The following PKD2L1 variants were observed in gnomAD, a reference collection of about 807,000 sequenced individuals.
PKD2L1 encodes the protein polycystin 2 like 1, transient receptor potential cation channel.
Under a neutral mutation model 93.0 loss-of-function variants are expected in PKD2L1, and 77 were observed. The observed-to-expected ratio is 0.83, with a 90% confidence interval of 0.69 to 1.00. The LOEUF is 1.00. PKD2L1 is among the 50% of genes least tolerant of loss of function. The probability of loss-of-function intolerance (pLI) is 0.00; values close to 1 mark genes in which losing one functional copy is unlikely to be tolerated. For missense variants in PKD2L1, 977 were observed against 990.9 expected, an observed-to-expected ratio of 0.99 and a Z score of 0.19; for synonymous variants, 390 against 388.0, an observed-to-expected ratio of 1.01 and a Z score of -0.06.
intron 2 of PKD2L1, among the ~76,000 whole-genome samples, chr10:100,310,873 C>A (rs1848917971): frequency 6.6e-6 from 1 of 152,164 alleles, no homozygotes; most frequent in South Asian, 2.1e-4. Context: ...TTCCTCCCAA[C>A]TAATTTTTTA....
intron 2 of PKD2L1, among the ~76,000 whole-genome samples, chr10:100,313,690 T>C (rs1371323791): frequency 6.6e-6 from 1 of 152,204 alleles, no homozygotes; most frequent in Non-Finnish European, 1.5e-5. Context: ...CAAACAGTTT[T>C]CATTTATTTG....
At chr10:100,310,742 C>CTCTG (rs1848915062) in intron 2 of PKD2L1, among the ~76,000 whole-genome samples, 1 of 152,178 alleles carries the variant, frequency 6.6e-6, no homozygotes, top group African/African-American at 2.4e-5. Flanking sequence ...GACAGTCTCA[C>CTCTG]TCTGTCGCCC....
chr10:100,294,287 A>C (rs1381455548), intron 9 of PKD2L1, among the ~76,000 whole-genome samples: 1 of 152,020 alleles, frequency 6.6e-6, no homozygotes, highest in Non-Finnish European at 1.5e-5. Flanking sequence ...CCCCATTTCC[A>C]TCCTTGGAGA....
chr10:100,289,071 A>G lies in PKD2L1; in HGVS notation c.2251-15T>C. 1 of 1,587,276 alleles carries G rather than the reference A, an allele frequency of 6.3e-7. No individual in the cohort carries two copies. Among genetic ancestry groups the G allele is most frequent in the Non-Finnish European group, 8.6e-7 (1 of 1,159,032 alleles). ...GCTTGTTCCTTCTGTTGGAAGAAGAAAGGGACAAATCATTTGAAGAAATAG... is the reference window on the plus strand; with the variant it reads ...GCTTGTTCCTTCTGTTGGAAGAAGAGAGGGACAAATCATTTGAAGAAATAG... On this transcript the variant is annotated splice_polypyrimidine_tract_variant and intron_variant, in intron 14 of 15. Transcript: ENST00000318222.
intron 2 of PKD2L1, among the ~76,000 whole-genome samples, chr10:100,307,367 A>G (rs1848827729): frequency 6.6e-6 from 1 of 152,184 alleles, no homozygotes; most frequent in African/African-American, 2.4e-5. Flanking sequence ...ATCCCAAGAG[A>G]TACATGTTAC....
In PKD2L1 at chr10:100,298,723, A is replaced by G. The variant is rs769006000; in HGVS notation, c.570T>C (p.Tyr190=). 4 of 1,613,496 alleles carry G rather than the reference A, an allele frequency of 2.5e-6. No homozygotes were observed. Among genetic ancestry groups the G allele is most frequent in the African/African-American group, 2.7e-5 (2 of 74,826 alleles). The change falls in exon 4 of 16, where the codon TAT becomes TAC. Residue 190 remains tyrosine (Y), a synonymous_variant. Transcript: ENST00000318222. ...TCGGAACCCCCAGCAGCATGTTCTCATAGTAGATGAAGGAGTGGGAGCCAT... is the reference window on the plus strand; with the variant it reads ...TCGGAACCCCCAGCAGCATGTTCTCGTAGTAGATGAAGGAGTGGGAGCCAT... The part of the protein sequence containing the change: ...LGHGSHSFIY[Y]ENMLLGVPRL...
intron 1 of PKD2L1, 64 bp downstream of exon 1, chr10:100,329,805 C>T: frequency 8.4e-7 from 1 of 1,197,302 alleles, no homozygotes; most frequent in Non-Finnish European, 1.2e-6. Flanking sequence ...ACCCCCTGCC[C>T]AAAAGCTTTT....
chr10:100,318,057 G>T (rs1849140065), intron 2 of PKD2L1, among the ~76,000 whole-genome samples: 2 of 151,756 alleles, frequency 1.3e-5, no homozygotes, highest in South Asian at 4.2e-4. Flanking sequence ...TCCAGCCTGG[G>T]CGATAGAGCA....
Position 100,299,253 on chromosome 10 carries a change from G to A in PKD2L1, c.477+338C>T, listed in dbSNP as rs542010201. ...ATTACAAGTGTGAGCCACCGTGCCC[G>A]GCCTGCTTTTTAAAACTCCTCCATT... is the stretch of plus-strand genomic sequence containing the variant. On this transcript the variant is annotated intron_variant, in intron 3 of 15. Transcript: ENST00000318222. Among the ~76,000 whole-genome samples, 89 of 152,212 alleles carry A rather than the reference G, an allele frequency of 5.8e-4. 1 individual carries two copies. The South Asian group carries it at 0.014, about 24-fold the overall frequency.
intron 7 of PKD2L1, 66 bp from the exon 8 acceptor site, chr10:100,295,189 C>A: frequency 7.2e-7 from 1 of 1,388,952 alleles, no homozygotes; most frequent in Non-Finnish European, 1.0e-6. Flanking sequence ...AAGTCCATGC[C>A]AAGGGCCTAT....
At chr10:100,297,332 G>C in intron 5 of PKD2L1, 50 bp downstream of exon 5, 1 of 1,555,638 alleles carries the variant, frequency 6.4e-7, no homozygotes, top group Admixed American at 1.7e-5. Flanking sequence ...CACAAGAGAC[G>C]GGAACCAGGA....
intron 2 of PKD2L1, among the ~76,000 whole-genome samples, chr10:100,321,364 G>A (rs1324112809): frequency 1.1e-4 from 16 of 152,078 alleles, no homozygotes; most frequent in African/African-American, 1.7e-4. Context: ...GGAGGCTGAG[G>A]CAGGAGAATT....
At chr10:100,319,148 G>C (rs1353326656) in intron 2 of PKD2L1, among the ~76,000 whole-genome samples, 3 of 152,130 alleles carry the variant, frequency 2.0e-5, no homozygotes, top group African/African-American at 7.2e-5. Context: ...GGCTGGCTGA[G>C]ATGTTTTTCA....
At chr10:100,291,485 T>C in intron 11 of PKD2L1, 58 bp from the exon 12 acceptor site, 1 of 1,583,792 alleles carries the variant, frequency 6.3e-7, no homozygotes, top group Admixed American at 1.8e-5. Context: ...CTCTCAGTTA[T>C]GGACTTCCTC....
At chr10:100,325,411 C>T (rs1328308163) in intron 2 of PKD2L1, among the ~76,000 whole-genome samples, 1 of 152,026 alleles carries the variant, frequency 6.6e-6, no homozygotes. Flanking sequence ...GGCTCCATGT[C>T]GCCTGAAAAT....
intron 2 of PKD2L1, among the ~76,000 whole-genome samples, chr10:100,310,491 T>G (rs1484996686): frequency 6.6e-6 from 1 of 152,202 alleles, no homozygotes; most frequent in Non-Finnish European, 1.5e-5. Context: ...TGCCTATCAT[T>G]AAGTCCTCAG....
intron 2 of PKD2L1, among the ~76,000 whole-genome samples, chr10:100,325,241 C>T (rs1241247636): frequency 1.3e-5 from 2 of 152,200 alleles, no homozygotes; most frequent in African/African-American, 2.4e-5. Flanking sequence ...CTTGGAGAAA[C>T]TATTTTTACA....
intron 2 of PKD2L1, among the ~76,000 whole-genome samples, chr10:100,300,999 TAAAGGGAAAGAGTACA>T (rs1184359068): frequency 2.6e-5 from 4 of 151,946 alleles, no homozygotes; most frequent in Non-Finnish European, 5.9e-5. Context: ...GTCTGAGAAA[TAAAGGGAAAGAGTACA>T]AAAGAGAGAA....
At position 100,330,071 on chromosome 10, in the gene PKD2L1, C is replaced by A; in HGVS notation, c.33G>T (p.Glu11Asp). ...AGGCTCCACTCCCCAGCTTTTGCAG[C>A]TCCTGCCCCTCAGGACTTCCCACAG... Reference protein sequence around the residue: MNAVGSPEGQELQKLGSGAWD... With the variant: MNAVGSPEGQDLQKLGSGAWD... Residue 11 changes from glutamate to aspartate, a missense_variant, in exon 1 of 16, where the codon GAG becomes GAT. Coordinates refer to ENST00000318222, the MANE Select transcript of PKD2L1 (RefSeq NM_016112.3). 5.0e-6 allele frequency: 8 copies of A among 1,600,756 alleles called. No individual in the cohort carries two copies. Among genetic ancestry groups the A allele is most frequent in the Non-Finnish European group, 6.8e-6 (8 of 1,171,922 alleles).
Sources: gnomAD v4.1 joint callset for allele counts (sites outside exome capture counted in the v4.1 genomes callset) on GRCh38, gnomAD v4.1.1 for gene constraint, MANE v1.5 for transcripts, NCBI Gene and HGNC (gene_info 2026-07-23, HGNC 2026-07-21) for gene names.